The following UGP2 variants were observed in gnomAD, a reference collection of about 807,000 sequenced individuals.
UGP2 encodes the protein UTP--glucose-1-phosphate uridylyltransferase.
Under a neutral mutation model 49.0 loss-of-function variants are expected in UGP2, and 40 were observed. The ratio of observed to expected loss-of-function variants is 0.82; its 90% confidence interval spans 0.63 to 1.06. The LOEUF (loss-of-function observed/expected upper bound fraction) is 1.06. Ranked by LOEUF, UGP2 falls within the 50% of genes least tolerant of loss-of-function variation. The probability of loss-of-function intolerance (pLI) is 0.00; values close to 1 mark genes in which losing one functional copy is unlikely to be tolerated. For missense variants in UGP2, 460 were observed against 603.5 expected, an observed-to-expected ratio of 0.76 and a Z score of 2.49; for synonymous variants, 225 against 213.0, an observed-to-expected ratio of 1.06 and a Z score of -0.49.
chr2:63,862,610 C>T (rs1669925367), intron 3 of UGP2, among the ~76,000 whole-genome samples: 1 of 152,022 alleles, frequency 6.6e-6, no homozygotes, highest in African/African-American at 2.4e-5. Flanking sequence ...ATTTGATAGA[C>T]TCCCGGTTTT....
At chr2:63,887,257 T>G in intron 7 of UGP2, 145 bp from the exon 8 acceptor site, 3 of 1,092,136 alleles carry the variant, frequency 2.7e-6, no homozygotes, top group Admixed American at 2.4e-5. Context: ...AGATCAAGAC[T>G]CCTTCTCAAA....
At chr2:63,852,968 CT>C (rs1307426087) in intron 1 of UGP2, among the ~76,000 whole-genome samples, 1 of 151,994 alleles carries the variant, frequency 6.6e-6, no homozygotes, top group African/African-American at 2.4e-5. Flanking sequence ...TGTCAGAAGT[CT>C]TTAAGGAAGT....
Position 63,891,370 on chromosome 2 carries a change from CTTTT to C in UGP2, c.*144_*147del, listed in dbSNP as rs1672147202. 3 of 558,726 alleles carry C rather than the reference CTTTT, an allele frequency of 5.4e-6. No homozygotes were observed. Among genetic ancestry groups the C allele is most frequent in the Admixed American group, 3.9e-5 (1 of 25,650 alleles). The allele number at this position is 558,726 out of a possible 1,614,324, so 34.6% of individuals were successfully genotyped here. A position where few individuals can be genotyped will look rare whatever the true frequency, so the allele number is the denominator to read the frequency against. ...TTAAAATAGAGTTTTCTGCAGTATG[CTTTT>C]AGTCTAAGAAAAGCACAGATGGAGC... On this transcript the variant is annotated 3_prime_UTR_variant, in exon 10 of 10. Transcript: ENST00000337130.
chr2:63,886,416 G>A lies in UGP2; in HGVS notation c.949G>A (p.Glu317Lys), dbSNP rs758810269. The change falls in exon 7 of 10, where the codon GAG (glutamate) becomes AAG (lysine). Residue 317 changes from glutamate to lysine, a missense_variant. Physicochemically the swap from Glu to Lys is moderately conservative, Grantham distance 56 (BLOSUM62 1). Around this residue, in one of 2 missense-constraint regions of UGP2, gnomAD observed 317 missense variants for 473.0 expected, o/e 0.67. Coordinates refer to ENST00000337130, the MANE Select transcript of UGP2 (RefSeq NM_006759.4). ...IAQVPKAHVD[E>K]FKSVSKFKIF... The stretch of plus-strand genomic sequence containing the variant: ...TCAAGTGCCAAAAGCACATGTAGAC[G>A]AGTTCAAGTCTGTATCAAAGTTCAA... 1.5e-5 allele frequency: 24 copies of A among 1,614,022 alleles called. No homozygotes were observed. Among genetic ancestry groups the A allele is most frequent in the Admixed American group, 3.3e-5 (2 of 60,000 alleles).
intron 7 of UGP2, 117 bp from the exon 8 acceptor site, chr2:63,887,285 T>C (rs1671750481): frequency 1.7e-5 from 25 of 1,465,078 alleles, no homozygotes; most frequent in Non-Finnish European, 2.1e-5. Flanking sequence ...AAAAATTTTT[T>C]TTTTTCCATC....
At chr2:63,886,584 A>C in intron 7 of UGP2, 46 bp downstream of exon 7, 1 of 1,603,934 alleles carries the variant, frequency 6.2e-7, no homozygotes, top group Non-Finnish European at 8.5e-7. Context: ...TCCTAAGGTC[A>C]TAGTAGGCTA....
At chr2:63,854,417 C>G (rs1219873534) in intron 1 of UGP2, among the ~76,000 whole-genome samples, 1 of 152,174 alleles carries the variant, frequency 6.6e-6, no homozygotes. Context: ...ACACAACTGT[C>G]CTTGTCAGAA....
intron 3 of UGP2, among the ~76,000 whole-genome samples, chr2:63,871,475 G>A (rs1235597636): frequency 3.3e-5 from 5 of 152,160 alleles, no homozygotes; most frequent in Admixed American, 6.5e-5. Context: ...TAGTAGAGAC[G>A]GGGTTTTGCC....
chr2:63,886,088 TTTAAC>T (rs967816178), intron 6 of UGP2, among the ~76,000 whole-genome samples: 7 of 152,180 alleles, frequency 4.6e-5, no homozygotes, highest in African/African-American at 1.7e-4. Context: ...CATCAGTAAT[TTTAAC>T]TAAAATAATT....
At chr2:63,861,642 A>G (rs1461665457) in intron 3 of UGP2, among the ~76,000 whole-genome samples, 1 of 148,374 alleles carries the variant, frequency 6.7e-6, no homozygotes, top group Non-Finnish European at 1.5e-5. Context: ...AAGCTATGAT[A>G]TCACCACTGC....
intron 1 of UGP2, among the ~76,000 whole-genome samples, chr2:63,847,605 G>A (rs1196020226): frequency 1.3e-5 from 2 of 152,138 alleles, no homozygotes; most frequent in African/African-American, 2.4e-5. Flanking sequence ...ATAGGATTTG[G>A]GTAGGTAAAG....
At chr2:63,854,833 A>G (rs1669280952) in intron 1 of UGP2, 1 of 152,240 alleles carries the variant, frequency 6.6e-6, no homozygotes, top group South Asian at 2.1e-4. Flanking sequence ...GAAAGAAACA[A>G]AGGTTAGAGA....
chr2:63,889,299 TG>T (rs1671911334), intron 8 of UGP2: 1 of 152,044 alleles, frequency 6.6e-6, no homozygotes, highest in African/African-American at 2.4e-5. Flanking sequence ...TTTGAGTTTT[TG>T]TTTTTTTTTA....
chr2:63,856,307 T>A lies in UGP2; in HGVS notation c.21T>A (p.Asp7Glu). Reference protein sequence around the residue: MSRFVQDLSKAMSQDGA... With the variant: MSRFVQELSKAMSQDGA... ...GTGGTTTTATGTTTTTGTTTTAAGA[T>A]CTTAGCAAAGCAATGTCTCAAGATG... is the stretch of plus-strand genomic sequence containing the variant. The change falls in exon 2 of 10, where the codon GAT (aspartate) becomes GAA (glutamate). Residue 7 changes from aspartate to glutamate, a missense_variant and splice_region_variant. Transcript: ENST00000337130. 6.2e-7 allele frequency: 1 copy of A among 1,611,966 alleles called. No individual in the cohort carries two copies.
chr2:63,875,047 T>C (rs1575838624), intron 3 of UGP2, among the ~76,000 whole-genome samples: 2 of 152,318 alleles, frequency 1.3e-5, no homozygotes, highest in South Asian at 4.1e-4. Flanking sequence ...GACTTTTCTG[T>C]TATAAAGTAA....
At chr2:63,865,023 A>G (rs943301033) in intron 3 of UGP2, among the ~76,000 whole-genome samples, 2 of 152,152 alleles carry the variant, frequency 1.3e-5, no homozygotes, top group African/African-American at 4.8e-5. Flanking sequence ...GCCCAGGCTT[A>G]CCCCCAACAG....
At chr2:63,889,952 T>C (rs539388125) in intron 8 of UGP2, 129 bp from the exon 9 acceptor site, 13 of 671,442 alleles carry the variant, frequency 1.9e-5, no homozygotes, top group Non-Finnish European at 3.1e-5. Flanking sequence ...AAGTAGGTGC[T>C]TCCCACAGAG....
chr2:63,845,998 GTC>G (rs1226501430), intron 1 of UGP2: 8 of 152,196 alleles, frequency 5.3e-5, no homozygotes, highest in Non-Finnish European at 7.3e-5. Flanking sequence ...ACATCCCCAA[GTC>G]TCTGTCCCTC....
chr2:63,848,159 C>T (rs796582652), intron 1 of UGP2, among the ~76,000 whole-genome samples: 8 of 152,122 alleles, frequency 5.3e-5, no homozygotes, highest in Non-Finnish European at 1.2e-4. Flanking sequence ...TCAGTTACTA[C>T]CTTTTTGGTT....
Sources: allele counts gnomAD v4.1 joint callset (sites outside exome capture counted in the v4.1 genomes callset), GRCh38; gene constraint gnomAD v4.1.1; regional missense constraint gnomAD v4.1.1; transcripts MANE v1.5; gene names NCBI Gene and HGNC (gene_info 2026-07-23, HGNC 2026-07-21).